ADCY8: variants seen among roughly 807,000 people sequenced by gnomAD.
ADCY8 encodes adenylate cyclase 8.
ADCY8 carries 51 observed loss-of-function variants against 119.7 expected under a neutral mutation model. That is an observed-to-expected ratio of 0.43 (90% CI 0.34 to 0.54). The LOEUF (loss-of-function observed/expected upper bound fraction) is 0.54, where lower values mean the gene tolerates loss of function less well. Ranked by LOEUF, ADCY8 falls within the 20% of genes least tolerant of loss-of-function variation. The pLI is 0.03. For synonymous variants in ADCY8, 665 were observed against 651.0 expected (o/e 1.02, Z -0.33); for missense variants, 1,383 against 1,598.8 (o/e 0.87, Z 2.30).
chr8:130,867,809 G>T, intron 9 of ADCY8, 37 bp downstream of exon 9: 1 of 1,453,696 alleles, frequency 6.9e-7, no homozygotes, highest in Non-Finnish European at 9.6e-7. Flanking sequence ...ATCTCACAAA[G>T]ATATTTCACC....
At chr8:130,976,448 G>C (rs1822075105) in intron 2 of ADCY8, among the ~76,000 whole-genome samples, 1 of 152,158 alleles carries the variant, frequency 6.6e-6, no homozygotes, top group East Asian at 1.9e-4. Flanking sequence ...CCTATTTCAA[G>C]TATTAATATG....
At chr8:131,029,564 G>A (rs547420052) in intron 1 of ADCY8, among the ~76,000 whole-genome samples, 1 of 152,162 alleles carries the variant, frequency 6.6e-6, no homozygotes, top group Non-Finnish European at 1.5e-5. Flanking sequence ...GAGTAGATGG[G>A]CCTGATCCAT....
chr8:130,797,101 T>C (rs1815605123), intron 15 of ADCY8, among the ~76,000 whole-genome samples: 2 of 152,238 alleles, frequency 1.3e-5, no homozygotes, highest in African/African-American at 4.8e-5. Flanking sequence ...GGAGCACTTT[T>C]GGAAGATGGG....
At chr8:131,005,633 A>G (rs1020114525) in intron 1 of ADCY8, among the ~76,000 whole-genome samples, 6 of 152,208 alleles carry the variant, frequency 3.9e-5, no homozygotes, top group East Asian at 1.9e-4. Flanking sequence ...GGGCTTTGCC[A>G]TGGCTAGCCG....
At chr8:130,975,719 C>A (rs1822051124) in intron 2 of ADCY8, among the ~76,000 whole-genome samples, 1 of 152,300 alleles carries the variant, frequency 6.6e-6, no homozygotes, top group East Asian at 1.9e-4. Context: ...AGATGCAAAG[C>A]TGGTGTTCCA....
At position 130,811,195 on chromosome 8, in the gene ADCY8, A is replaced by G. The variant is rs148443391; in HGVS notation, c.2913+2874T>C. 6.5e-3 allele frequency among the ~76,000 whole-genome samples: 991 copies of G among 152,302 alleles called. 18 individuals carry two copies. The highest frequency in any genetic ancestry group is 0.036 in the Admixed American group (550 of 15,296). On this transcript the variant is annotated intron_variant, in intron 14 of 17. Transcript: ENST00000286355. ...AAGAGACTCTCAAAGACCTGAGTAC[A>G]TCAAGATCTGATTATTCCAGTGGCT...
Position 130,881,992 on chromosome 8 carries a change from C to T in ADCY8, c.2109+2572G>A, listed in dbSNP as rs550935347. ...TATAGGCATATGGGTTTCCTCACTACCCTTGTCTAAGGGGGTTGTCCCACT... is the reference window on the plus strand; with the variant it reads ...TATAGGCATATGGGTTTCCTCACTATCCTTGTCTAAGGGGGTTGTCCCACT... On this transcript the variant is annotated intron_variant, in intron 8 of 17. Transcript: ENST00000286355. Among the ~76,000 whole-genome samples the T allele has an allele frequency of 9.9e-5, 15 of 152,148 alleles. No homozygotes were observed. The South Asian group carries it at 3.1e-3, about 32-fold the overall frequency.
chr8:130,834,739 C>A (rs1816933712), intron 12 of ADCY8, among the ~76,000 whole-genome samples: 1 of 152,030 alleles, frequency 6.6e-6, no homozygotes, highest in South Asian at 2.1e-4. Flanking sequence ...GATAATATTA[C>A]ATCACAACAA....
Position 130,943,474 on chromosome 8 carries a change from GAAGA to G in ADCY8, c.1242-16_1242-13del. The G allele has an allele frequency of 1.1e-5, 7 of 638,776 alleles. No homozygotes were observed. Among genetic ancestry groups the G allele is most frequent in the Admixed American group, 4.1e-5 (2 of 48,730 alleles). The allele number at this position is 638,776 out of a possible 1,614,324, so 39.6% of individuals were successfully genotyped here. On this transcript the variant is annotated splice_polypyrimidine_tract_variant and intron_variant, in intron 3 of 17. Coordinates refer to ENST00000286355, the MANE Select transcript of ADCY8 (RefSeq NM_001115.3). ...CTGCAAAAAGAATACTAAACACAGGGAAGAGGGTGGGGGTGGGGGGAGGAAGTAT... is the reference window on the plus strand; with the variant it reads ...CTGCAAAAAGAATACTAAACACAGGGGGGTGGGGGTGGGGGGAGGAAGTAT...
intron 8 of ADCY8, among the ~76,000 whole-genome samples, chr8:130,879,745 T>A (rs759907537): frequency 3.9e-5 from 6 of 152,208 alleles, no homozygotes; most frequent in Non-Finnish European, 5.9e-5. Flanking sequence ...ATACTAAAAT[T>A]ACTGTGTAAG....
At chr8:130,810,697 G>C (rs1465721821) in intron 14 of ADCY8, among the ~76,000 whole-genome samples, 1 of 152,218 alleles carries the variant, frequency 6.6e-6, no homozygotes, top group African/African-American at 2.4e-5. Flanking sequence ...ACCATGATTG[G>C]TGTTTAATCC....
intron 2 of ADCY8, among the ~76,000 whole-genome samples, chr8:130,967,770 T>G (rs541599389): frequency 6.6e-6 from 1 of 152,140 alleles, no homozygotes; most frequent in African/African-American, 2.4e-5. Context: ...AGTTCTAAAA[T>G]ACATCAAACT....
At chr8:130,950,157 G>A (rs988272330) in intron 3 of ADCY8, among the ~76,000 whole-genome samples, 4 of 152,194 alleles carry the variant, frequency 2.6e-5, no homozygotes, top group Non-Finnish European at 5.9e-5. Context: ...CACTTTTGAA[G>A]TTGCTTAATG....
intron 5 of ADCY8, among the ~76,000 whole-genome samples, chr8:130,928,473 C>T (rs1820537070): frequency 6.6e-6 from 1 of 152,104 alleles, no homozygotes; most frequent in African/African-American, 2.4e-5. Flanking sequence ...TGAGAATTTT[C>T]ATCATGAAAG....
chr8:130,940,885 G>A (rs1292556387), intron 4 of ADCY8, among the ~76,000 whole-genome samples: 1 of 152,150 alleles, frequency 6.6e-6, no homozygotes, highest in African/African-American at 2.4e-5. Flanking sequence ...ACAAAAATTA[G>A]GAGATGAATG....
chr8:130,918,037 T>C (rs1001893669), intron 5 of ADCY8, among the ~76,000 whole-genome samples: 1 of 152,136 alleles, frequency 6.6e-6, no homozygotes, highest in African/African-American at 2.4e-5. Context: ...TAAATACAAC[T>C]GGAATGTTTT....
intron 1 of ADCY8, among the ~76,000 whole-genome samples, chr8:131,004,878 C>A (rs545490295): frequency 1.3e-5 from 2 of 152,182 alleles, no homozygotes; most frequent in Non-Finnish European, 2.9e-5. Flanking sequence ...TTCTTCCCCC[C>A]TCAACTGGCT....
chr8:130,830,408 C>A (rs750094929), intron 12 of ADCY8, among the ~76,000 whole-genome samples: 1 of 152,072 alleles, frequency 6.6e-6, no homozygotes, highest in African/African-American at 2.4e-5. Context: ...GATGTCATAC[C>A]TGATTGAATT....
chr8:130,896,329 C>A (rs776092736), intron 7 of ADCY8, among the ~76,000 whole-genome samples: 2 of 152,110 alleles, frequency 1.3e-5, no homozygotes, highest in African/African-American at 2.4e-5. Flanking sequence ...AAATGCATGG[C>A]TGAATGAATG....
Sources: gnomAD v4.1 joint callset for allele counts (sites outside exome capture counted in the v4.1 genomes callset) on GRCh38, gnomAD v4.1.1 for gene constraint, MANE v1.5 for transcripts, NCBI Gene and HGNC (gene_info 2026-07-23, HGNC 2026-07-21) for gene names.